The following GALNT17 variants were observed in gnomAD, a reference collection of about 807,000 sequenced individuals.
GALNT17 encodes the protein UDP-GalNAc:polypeptide N-acetylgalactosaminyltransferase-like 3.
GALNT17 carries 29 observed loss-of-function variants against 63.7 expected under a neutral mutation model. That is an observed-to-expected ratio of 0.46 (90% CI 0.34 to 0.62). GALNT17 has a LOEUF of 0.62. GALNT17 is among the 20% of genes least tolerant of loss of function. GALNT17 has a pLI of 0.01. For synonymous variants in GALNT17, 305 were observed against 318.3 expected, an observed-to-expected ratio of 0.96 and a Z score of 0.45; for missense variants, 603 against 799.6, an observed-to-expected ratio of 0.75 and a Z score of 2.97.
intron 5 of GALNT17, among the ~76,000 whole-genome samples, chr7:71,435,467 G>A (rs1202430923): frequency 1.3e-5 from 2 of 152,178 alleles, no homozygotes; most frequent in African/African-American, 4.8e-5. Flanking sequence ...TAGGAGTCAT[G>A]CAGCTGGAGG....
chr7:71,159,557 T>C (rs1788301728), intron 1 of GALNT17, among the ~76,000 whole-genome samples: 1 of 150,424 alleles, frequency 6.6e-6, no homozygotes, highest in Non-Finnish European at 1.5e-5. Context: ...AATTATGCAA[T>C]TATATAACAA....
At chr7:71,587,307 T>A (rs1303694625) in intron 6 of GALNT17, among the ~76,000 whole-genome samples, 2 of 152,122 alleles carry the variant, frequency 1.3e-5, no homozygotes, top group African/African-American at 4.8e-5. Context: ...AAATAACAGG[T>A]GTGAGCCACC....
intron 1 of GALNT17, among the ~76,000 whole-genome samples, chr7:71,317,134 G>A (rs1045509861): frequency 2.0e-5 from 3 of 152,128 alleles, no homozygotes; most frequent in Non-Finnish European, 4.4e-5. Context: ...TTTCTTTATG[G>A]AATATTTACC....
intron 1 of GALNT17, among the ~76,000 whole-genome samples, chr7:71,205,482 A>C (rs960758950): frequency 2.6e-5 from 4 of 152,116 alleles, no homozygotes; most frequent in African/African-American, 7.2e-5. Context: ...GACAGGTCTC[A>C]GTGCAGTAAT....
At chr7:71,266,056 C>T (rs558308973) in intron 1 of GALNT17, among the ~76,000 whole-genome samples, 2 of 152,208 alleles carry the variant, frequency 1.3e-5, no homozygotes, top group African/African-American at 2.4e-5. Flanking sequence ...GGCTTATGGC[C>T]GCATCACTCC....
At chr7:71,428,542 A>G (rs1254406186) in intron 5 of GALNT17, among the ~76,000 whole-genome samples, 5 of 152,000 alleles carry the variant, frequency 3.3e-5, no homozygotes, top group Non-Finnish European at 4.4e-5. Flanking sequence ...GGGTTCAAGC[A>G]ATTCTTCTGC....
chr7:71,608,617 C>T (rs1424287559), intron 6 of GALNT17, among the ~76,000 whole-genome samples: 1 of 152,108 alleles, frequency 6.6e-6, no homozygotes, highest in Non-Finnish European at 1.5e-5. Flanking sequence ...TCATAGCAAA[C>T]ACCATCTCAT....
intron 5 of GALNT17, among the ~76,000 whole-genome samples, chr7:71,438,881 TAG>T (rs1306274558): frequency 5.3e-5 from 8 of 150,764 alleles, no homozygotes; most frequent in African/African-American, 2.0e-4. Context: ...TAATAAAAGA[TAG>T]ACTTTTTTTT....
At chr7:71,501,012 CAGGCTGG>C (rs147072027) in intron 5 of GALNT17, among the ~76,000 whole-genome samples, 3,285 of 152,286 alleles carry the variant, frequency 0.022, 43 homozygotes, top group African/African-American at 0.028. Context: ...CTCCATTACC[CAGGCTGG>C]AGTGCAGTGG....
intron 5 of GALNT17, among the ~76,000 whole-genome samples, chr7:71,437,421 G>A (rs1786985501): frequency 6.6e-6 from 1 of 152,180 alleles, no homozygotes; most frequent in Non-Finnish European, 1.5e-5. Flanking sequence ...TGGGAAGAAT[G>A]CCTACGAACC....
chr7:71,283,823 G>A (rs1328614724), intron 1 of GALNT17, among the ~76,000 whole-genome samples: 4 of 152,222 alleles, frequency 2.6e-5, no homozygotes, highest in Middle Eastern at 6.8e-3. Flanking sequence ...TTCCTGGGTC[G>A]AGTGGGGACT....
At chr7:71,564,812 C>T (rs1486483707) in intron 5 of GALNT17, among the ~76,000 whole-genome samples, 3 of 152,130 alleles carry the variant, frequency 2.0e-5, no homozygotes, top group Non-Finnish European at 4.4e-5. Context: ...GACCTCACCA[C>T]TTTGTTGTGA....
intron 1 of GALNT17, among the ~76,000 whole-genome samples, chr7:71,264,485 T>C (rs1235621245): frequency 6.6e-6 from 1 of 152,152 alleles, no homozygotes; most frequent in African/African-American, 2.4e-5. Context: ...TGAGTATTTA[T>C]GCAAAGGAAA....
intron 1 of GALNT17, among the ~76,000 whole-genome samples, chr7:71,231,737 A>G (rs1789792314): frequency 7.0e-6 from 1 of 142,972 alleles, no homozygotes; most frequent in Admixed American, 7.1e-5. Context: ...GGAGAGAGAG[A>G]GGGAGGGAGA....
At chr7:71,636,231 A>G (rs1253370029) in intron 6 of GALNT17, among the ~76,000 whole-genome samples, 3 of 152,200 alleles carry the variant, frequency 2.0e-5, no homozygotes, top group Non-Finnish European at 4.4e-5. Flanking sequence ...GTTGTTCACT[A>G]TACTCTGTGC....
At chr7:71,191,156 C>A (rs543283585) in intron 1 of GALNT17, among the ~76,000 whole-genome samples, 1 of 152,216 alleles carries the variant, frequency 6.6e-6, no homozygotes, top group Non-Finnish European at 1.5e-5. Flanking sequence ...CACAGTCTAC[C>A]AATACATAAT....
At chr7:71,639,355 C>G (rs1025228129) in intron 6 of GALNT17, among the ~76,000 whole-genome samples, 11 of 152,186 alleles carry the variant, frequency 7.2e-5, no homozygotes, top group African/African-American at 2.2e-4. Context: ...CTCTCTTGTT[C>G]GGTGTTCACA....
At chr7:71,361,190 T>A (rs1792394246) in intron 2 of GALNT17, among the ~76,000 whole-genome samples, 1 of 152,146 alleles carries the variant, frequency 6.6e-6, no homozygotes, top group South Asian at 2.1e-4. Flanking sequence ...TTTACAGTTT[T>A]TACTATCTAT....
chr7:71,677,151 T>A, intron 8 of GALNT17, 60 bp from the exon 9 acceptor site: 1 of 1,561,608 alleles, frequency 6.4e-7, no homozygotes, highest in Non-Finnish European at 8.8e-7. Flanking sequence ...GAACAGTGAC[T>A]CGGCATCCAC....
Sources: allele counts gnomAD v4.1 joint callset (sites outside exome capture counted in the v4.1 genomes callset), GRCh38; gene constraint gnomAD v4.1.1; transcripts MANE v1.5; gene names NCBI Gene and HGNC (gene_info 2026-07-23, HGNC 2026-07-21).